The following ATP13A4 variants were observed in gnomAD, a reference collection of about 807,000 sequenced individuals.
ATP13A4 encodes probable cation-transporting ATPase 13A4.
ATP13A4 carries 114 observed loss-of-function variants against 142.5 expected under a neutral mutation model. The observed-to-expected ratio is 0.80, with a 90% CI of 0.69 to 0.93. ATP13A4 has a LOEUF of 0.93. Ranked by LOEUF, ATP13A4 falls within the 40% of genes least tolerant of loss-of-function variation. The pLI is 0.00. For missense variants in ATP13A4, 1,392 were observed against 1,454.0 expected (o/e 0.96, Z 0.69); for synonymous variants, 488 against 514.8 (o/e 0.95, Z 0.70).
chr3:193,516,013 GT>G (rs1205820304), intron 1 of ATP13A4, among the ~76,000 whole-genome samples: 1 of 152,188 alleles, frequency 6.6e-6, no homozygotes, highest in Non-Finnish European at 1.5e-5. Context: ...GTTGCCCTAT[GT>G]AAGCATTTAC....
In ATP13A4 at chr3:193,414,686, T is replaced by G. The variant is rs1275369946; in HGVS notation, c.2907A>C (p.Pro969=). The G allele has an allele frequency of 1.9e-6, 3 of 1,613,786 alleles. No individual in the cohort carries two copies. Among genetic ancestry groups the G allele is most frequent in the Non-Finnish European group, 2.5e-6 (3 of 1,179,982 alleles). Residue 969 remains proline (P), a synonymous_variant, in exon 26 of 30, where the codon CCA becomes CCC. Transcript: ENST00000342695. ...PFRPAGRLIS[P]PLLLSVIFNI... is the part of the protein sequence containing the mutation. Reference sequence around the variant, plus strand: ...TGAAAATCACAGAGAGTAGCAGAGGTGGAGAGATCAGCCGTCCTGCAGGTC... The same window carrying G: ...TGAAAATCACAGAGAGTAGCAGAGGGGGAGAGATCAGCCGTCCTGCAGGTC...
At chr3:193,496,246 A>G (rs1720217689) in intron 3 of ATP13A4, among the ~76,000 whole-genome samples, 2 of 152,154 alleles carry the variant, frequency 1.3e-5, no homozygotes, top group Non-Finnish European at 2.9e-5. Flanking sequence ...TGAAACCACA[A>G]AAGACCCTGG....
At position 193,400,923 on chromosome 3, in the gene ATP13A4, T is replaced by G. The variant is rs1714239724; in HGVS notation, c.*1729A>C. Among the ~76,000 whole-genome samples the G allele has an allele frequency of 6.6e-6, 1 of 152,206 alleles. No homozygotes were observed. Among genetic ancestry groups the G allele is most frequent in the Non-Finnish European group, 1.5e-5 (1 of 68,032 alleles). On this transcript the variant is annotated 3_prime_UTR_variant, in exon 30 of 30. Transcript: ENST00000342695. ...GCCATATCATTGCTGAGGCTGGCTTTGCAAAAGGAAACATTTCTTTCTGTA... is the reference window on the plus strand; with the variant it reads ...GCCATATCATTGCTGAGGCTGGCTTGGCAAAAGGAAACATTTCTTTCTGTA...
chr3:193,543,972 C>T (rs1248828972), intron 1 of ATP13A4, among the ~76,000 whole-genome samples: 1 of 152,174 alleles, frequency 6.6e-6, no homozygotes, highest in African/African-American at 2.4e-5. Flanking sequence ...GGCATCCACT[C>T]AGAAACTCTT....
rs1437251484 is a variant in ATP13A4 at position 193,436,887 on chromosome 3, G to A, written c.2673-1143C>T. Among the ~76,000 whole-genome samples, 42 of 140,670 alleles carry A rather than the reference G, an allele frequency of 3.0e-4. 6 individuals are homozygous for A. The highest frequency in any genetic ancestry group is 1.3e-3 in the African/African-American group (41 of 31,474). The allele number at this position is 140,670 out of a possible 152,430, so 92.3% of individuals were successfully genotyped here. A position where few individuals can be genotyped will look rare whatever the true frequency, so the allele number is the denominator to read the frequency against. ...TGGGAGGCCGAGGCGGGCGGATCAC[G>A]AGGTCAGGAGATCGAGACCATCCCG... On this transcript the variant is annotated intron_variant, in intron 23 of 29. Coordinates refer to ENST00000342695, the MANE Select transcript of ATP13A4 (RefSeq NM_032279.4).
intron 1 of ATP13A4, among the ~76,000 whole-genome samples, chr3:193,523,221 A>T (rs9878013): frequency 0.18 from 27,624 of 151,872 alleles, 2,594 homozygotes; most frequent in East Asian, 0.24. Context: ...GGAGAATCAC[A>T]TGAACCTGGG....
chr3:193,457,877 G>A (rs537202479), intron 14 of ATP13A4, among the ~76,000 whole-genome samples: 1 of 152,272 alleles, frequency 6.6e-6, no homozygotes, highest in African/African-American at 2.4e-5. Flanking sequence ...TGGATGGATG[G>A]TTCTCAGGGC....
intron 2 of ATP13A4, 108 bp from the exon 3 acceptor site, chr3:193,502,747 G>C (rs557529015): frequency 8.3e-7 from 1 of 1,204,916 alleles, no homozygotes; most frequent in East Asian, 2.4e-5. Flanking sequence ...TTTGGCGTTA[G>C]TGAATATTCT....
rs529087096 is a variant in ATP13A4, at chr3:193,438,087, C to T, written c.2672+388G>A. Among the ~76,000 whole-genome samples, 7 of 152,246 alleles carry T rather than the reference C, an allele frequency of 4.6e-5. No individual in the cohort carries two copies. The South Asian group carries it at 8.3e-4, about 18-fold the overall frequency. On this transcript the variant is annotated intron_variant, in intron 23 of 29. Coordinates refer to ENST00000342695, the MANE Select transcript of ATP13A4 (RefSeq NM_032279.4). Reference sequence around the variant, plus strand: ...GACCTCGTGATCTGCCCACCTCGGCCTCCCAAAGTGCTGGGATTACAGGCG... The same window carrying T: ...GACCTCGTGATCTGCCCACCTCGGCTTCCCAAAGTGCTGGGATTACAGGCG...
chr3:193,420,340 A>G lies in ATP13A4; in HGVS notation c.2843-5590T>C, dbSNP rs949488397. Reference sequence around the variant, plus strand: ...TCTTCTCGGAATCAGAGTTACCACAATCTTCACAATTAGCATACCAAGACT... The same window carrying G: ...TCTTCTCGGAATCAGAGTTACCACAGTCTTCACAATTAGCATACCAAGACT... On this transcript the variant is annotated intron_variant, in intron 25 of 29. Coordinates refer to ENST00000342695, the MANE Select transcript of ATP13A4 (RefSeq NM_032279.4). 1.7e-4 allele frequency among the ~76,000 whole-genome samples: 25 copies of G among 150,414 alleles called. 2 individuals carry two copies. The highest frequency in any genetic ancestry group is 5.1e-4 in the African/African-American group (21 of 41,018).
At chr3:193,518,306 A>G (rs1721538813) in intron 1 of ATP13A4, among the ~76,000 whole-genome samples, 1 of 152,262 alleles carries the variant, frequency 6.6e-6, no homozygotes, top group East Asian at 1.9e-4. Flanking sequence ...ACACACATCA[A>G]TATGGATGAC....
rs573900602 is a variant in ATP13A4, at chr3:193,453,788, G to A, written c.2027+313C>T. The stretch of plus-strand genomic sequence containing the variant: ...TGACCACAATTTCAAATTCTGAAAC[G>A]CTGATTATATTTCTATGTCTGTTTT... On this transcript the variant is annotated intron_variant, in intron 17 of 29. Transcript: ENST00000342695. Among the ~76,000 whole-genome samples the A allele has an allele frequency of 8.9e-4, 135 of 151,966 alleles. 1 individual carries two copies. The highest frequency in any genetic ancestry group is 2.5e-3 in the African/African-American group (105 of 41,426).
At position 193,467,322 on chromosome 3, in the gene ATP13A4, G is replaced by T; in HGVS notation, c.1108C>A (p.Gln370Lys). ...CSGTVRAVVL[Q>K]TGFNTAKGDL... is the part of the protein sequence containing the mutation. Reference sequence around the variant, plus strand: ...AAAAGGAGGGGATGCTAACCAGTCTGCAGTACCACGGCTCTCACGGTCCCA... The same window carrying T: ...AAAAGGAGGGGATGCTAACCAGTCTTCAGTACCACGGCTCTCACGGTCCCA... Residue 370 changes from glutamine (Q) to lysine (K), a missense_variant, in exon 10 of 30, where the codon CAG becomes AAG. Transcript: ENST00000342695. 3.1e-6 allele frequency: 5 copies of T among 1,614,192 alleles called. No individual in the cohort carries two copies. The highest frequency in any genetic ancestry group is 4.2e-6 in the Non-Finnish European group (5 of 1,180,026).
chr3:193,496,839 T>A (rs540009118), intron 3 of ATP13A4, among the ~76,000 whole-genome samples: 35 of 138,128 alleles, frequency 2.5e-4, no homozygotes, highest in South Asian at 9.2e-4. Flanking sequence ...AATAAATAAA[T>A]AAAACTGAGA....
At chr3:193,434,736 T>C (rs1157518889) in intron 24 of ATP13A4, among the ~76,000 whole-genome samples, 2 of 152,234 alleles carry the variant, frequency 1.3e-5, no homozygotes, top group South Asian at 2.1e-4. Context: ...TGTTGGTTAA[T>C]ACGGTAATCT....
rs975832241 is a variant in ATP13A4 at position 193,401,750 on chromosome 3, G to A, written c.*902C>T. Among the ~76,000 whole-genome samples, 1 of 152,198 alleles carries A rather than the reference G, an allele frequency of 6.6e-6. No individual in the cohort carries two copies. Among genetic ancestry groups the A allele is most frequent in the Non-Finnish European group, 1.5e-5 (1 of 68,032 alleles). ...GCAGAGTGTTAAAGCCAAGTGTGGG[G>A]ACCTTCTAAGCATGGGGCCCTGTGT... is the stretch of plus-strand genomic sequence containing the variant. On this transcript the variant is annotated 3_prime_UTR_variant, in exon 30 of 30. Coordinates refer to ENST00000342695, the MANE Select transcript of ATP13A4 (RefSeq NM_032279.4).
chr3:193,482,347 G>A (rs960528719), intron 8 of ATP13A4, among the ~76,000 whole-genome samples: 1 of 152,044 alleles, frequency 6.6e-6, no homozygotes, highest in Non-Finnish European at 1.5e-5. Flanking sequence ...AGAAAATCAT[G>A]GTGACCTTAA....
intron 29 of ATP13A4, 53 bp from the exon 30 acceptor site, chr3:193,402,917 TA>T: frequency 6.6e-7 from 1 of 1,521,920 alleles, no homozygotes; most frequent in South Asian, 1.2e-5. Flanking sequence ...GTTTTGAGGC[TA>T]CAGCCCTCCA....
At chr3:193,405,594 A>T (rs1714454414) in intron 29 of ATP13A4, among the ~76,000 whole-genome samples, 1 of 152,130 alleles carries the variant, frequency 6.6e-6, no homozygotes, top group Non-Finnish European at 1.5e-5. Context: ...AACATGAAAG[A>T]CCACATCGAA....
Sources: gnomAD v4.1 joint callset for allele counts (sites outside exome capture counted in the v4.1 genomes callset) on GRCh38, gnomAD v4.1.1 for gene constraint, MANE v1.5 for transcripts, NCBI Gene and HGNC (gene_info 2026-07-23, HGNC 2026-07-21) for gene names.